Variants in FBLN7 observed in about 807,000 individuals in gnomAD.
FBLN7 encodes fibulin 7, also known as fibulin-7.
FBLN7 carries 31 observed loss-of-function variants against 44.0 expected under a neutral mutation model. That is an observed-to-expected ratio of 0.70 (90% CI 0.53 to 0.95). The LOEUF (loss-of-function observed/expected upper bound fraction) is 0.95. FBLN7 is among the 40% of genes least tolerant of loss of function. FBLN7 has a pLI of 0.00. For synonymous variants in FBLN7, 262 were observed against 253.4 expected (o/e 1.03, Z -0.32); for missense variants, 573 against 618.5 (o/e 0.93, Z 0.78).
chr2:112,159,905 G>T, intron 2 of FBLN7, 70 bp downstream of exon 2: 1 of 1,339,944 alleles, frequency 7.5e-7, no homozygotes, highest in Non-Finnish European at 9.7e-7. Context: ...GACGCTCCCA[G>T]CTGGAGGCCC....
the FBLN7 span, chr2:112,236,716 T>TA: frequency 1.3e-5 from 21 of 1,575,858 alleles, no homozygotes; most frequent in East Asian, 4.4e-4. Context: ...AAAATTAATT[T>TA]AAAAAATGAC....
downstream of FBLN7, among the ~76,000 whole-genome samples, chr2:112,190,831 T>A (rs1313013651): frequency 2.0e-5 from 3 of 152,220 alleles, no homozygotes; most frequent in Admixed American, 1.3e-4. Context: ...GAGTGCTCAT[T>A]GGTAGTGGTT....
At chr2:112,165,270 G>T in intron 3 of FBLN7, 99 bp downstream of exon 3, 1 of 1,424,368 alleles carries the variant, frequency 7.0e-7, no homozygotes, top group South Asian at 1.4e-5. Flanking sequence ...TTTTCTGCTT[G>T]GTTCTTTAAT....
chr2:112,243,751 T>C, the FBLN7 span, among the ~76,000 whole-genome samples: 1 of 152,294 alleles, frequency 6.6e-6, no homozygotes, highest in African/African-American at 2.4e-5. Context: ...CTAAAATATT[T>C]ATTGTCTTGT....
intron 1 of FBLN7, among the ~76,000 whole-genome samples, chr2:112,140,355 C>G (rs1011309753): frequency 1.3e-5 from 2 of 152,222 alleles, no homozygotes; most frequent in Non-Finnish European, 2.9e-5. Flanking sequence ...TCCTCTCTCC[C>G]CTGTCCCGCG....
In FBLN7 at chr2:112,184,846, C is replaced by CATAT. The variant is rs140335459; in HGVS notation, c.809-346_809-343dup. Among the ~76,000 whole-genome samples, 678 of 147,870 alleles carry CATAT rather than the reference C, an allele frequency of 4.6e-3. 6 individuals carry two copies. Among genetic ancestry groups the CATAT allele is most frequent in the African/African-American group, 0.017 (660 of 39,948 alleles). Reference sequence around the variant, plus strand: ...CCATATACATATATATACACACACACATATATATATATGAAGAATAACAGC... The same window carrying CATAT: ...CCATATACATATATATACACACACACATATATATATATATATGAAGAATAACAGC... On this transcript the variant is annotated intron_variant, in intron 6 of 7. Coordinates refer to ENST00000331203, the MANE Select transcript of FBLN7 (RefSeq NM_153214.3).
At chr2:112,176,930 T>C (rs899492916) in intron 4 of FBLN7, 1 of 116,612 alleles carries the variant, frequency 8.6e-6, no homozygotes, top group Non-Finnish European at 1.7e-5. Flanking sequence ...CCTCCCACTG[T>C]GGGATTTTTT....
chr2:112,231,934 A>G, the FBLN7 span: 1 of 1,566,688 alleles, frequency 6.4e-7, no homozygotes, highest in Non-Finnish European at 8.7e-7. Flanking sequence ...GGTAAAACTT[A>G]CAAGGATATT....
intron 3 of FBLN7, among the ~76,000 whole-genome samples, chr2:112,171,495 C>T (rs569337733): frequency 7.9e-5 from 12 of 151,832 alleles, no homozygotes; most frequent in Admixed American, 2.0e-4. Context: ...GCCTTTCCCC[C>T]GAGACCTTTA....
chr2:112,160,706 ACACACACAAGCACGCG>A (rs1558879721), intron 2 of FBLN7, among the ~76,000 whole-genome samples: 7 of 44,192 alleles, frequency 1.6e-4, no homozygotes, highest in Non-Finnish European at 3.7e-4. Flanking sequence ...ACACGCACGC[ACACACACAAGCACGCG>A]CACACGCACG....
chr2:112,217,882 CTTTG>C, the FBLN7 span, among the ~76,000 whole-genome samples: 2 of 152,060 alleles, frequency 1.3e-5, no homozygotes, highest in South Asian at 2.1e-4. Flanking sequence ...GGTTTTGTTT[CTTTG>C]TTTGGGTTTG....
At chr2:112,237,787 G>A in the FBLN7 span, among the ~76,000 whole-genome samples, 2 of 151,830 alleles carry the variant, frequency 1.3e-5, no homozygotes, top group East Asian at 1.9e-4. Flanking sequence ...GGCTGGTCTC[G>A]AACTCCTGAC....
In FBLN7 at chr2:112,187,173, C is replaced by G. The variant is rs1683307053; in HGVS notation, c.987C>G (p.Pro329=). ...ERNPCPMDSR[P]CRHLPKTISF... ...ACCCCTGCCCCATGGACAGCAGGCC[C>G]TGCCGCCATCTGCCCAAGACCATCT... The change falls in exon 8 of 8, where the codon CCC becomes CCG. Residue 329 remains proline, a synonymous_variant. Transcript: ENST00000331203. The surrounding 1 kb of genome is among the most constrained non-coding windows in gnomAD (Gnocchi z 5.1). The G allele has an allele frequency of 6.2e-7, 1 of 1,614,116 alleles. No individual in the cohort carries two copies. Among genetic ancestry groups the G allele is most frequent in the Non-Finnish European group, 8.5e-7 (1 of 1,180,020 alleles).
At chr2:112,162,131 C>T (rs1681908764) in intron 2 of FBLN7, among the ~76,000 whole-genome samples, 1 of 152,186 alleles carries the variant, frequency 6.6e-6, no homozygotes, top group African/African-American at 2.4e-5. Context: ...CCTCTCACCT[C>T]AGCCTCCTAG....
At chr2:112,160,697 C>T (rs1341506429) in intron 2 of FBLN7, among the ~76,000 whole-genome samples, 1 of 111,360 alleles carries the variant, frequency 9.0e-6, no homozygotes, top group South Asian at 2.7e-4. Context: ...CACACGCACA[C>T]ACGCACGCAC....
At chr2:112,201,670 C>T in the FBLN7 span, among the ~76,000 whole-genome samples, 1 of 152,212 alleles carries the variant, frequency 6.6e-6, no homozygotes, top group African/African-American at 2.4e-5. Context: ...ATCTCCCCAA[C>T]TTAGGGAGAA....
intron 4 of FBLN7, among the ~76,000 whole-genome samples, chr2:112,179,281 C>T (rs1038982754): frequency 1.3e-5 from 2 of 152,024 alleles, no homozygotes; most frequent in African/African-American, 2.4e-5. Flanking sequence ...ATACAGCTAA[C>T]CAGGGAGGTG....
the FBLN7 span, chr2:112,236,697 TAAAAACAAAAAATTA>T: frequency 6.2e-7 from 1 of 1,600,444 alleles, no homozygotes; most frequent in Non-Finnish European, 8.5e-7. Flanking sequence ...GTTTAGCAGC[TAAAAACAAAAAATTA>T]ATTTAAAAAA....
At chr2:112,150,743 A>G (rs1681118805) in intron 1 of FBLN7, among the ~76,000 whole-genome samples, 1 of 152,144 alleles carries the variant, frequency 6.6e-6, no homozygotes, top group Non-Finnish European at 1.5e-5. Context: ...AGACATTCCC[A>G]TCTCATGGGG....
Sources: allele counts gnomAD v4.1 joint callset (sites outside exome capture counted in the v4.1 genomes callset), GRCh38; gene constraint gnomAD v4.1.1; non-coding constraint Gnocchi (gnomAD v3.1); transcripts MANE v1.5; gene names NCBI Gene and HGNC (gene_info 2026-07-23, HGNC 2026-07-21).